Variants in LRRC8C observed in about 807,000 individuals in gnomAD.
LRRC8C encodes volume-regulated anion channel subunit LRRC8C.
A neutral mutation model predicts 55.3 loss-of-function variants in LRRC8C; 20 were observed. That is an observed-to-expected ratio of 0.36 (90% CI 0.25 to 0.53). The LOEUF is 0.53. Among genes scored for constraint, LRRC8C ranks in the 20% least tolerant of loss-of-function variants. The pLI, the probability that LRRC8C is intolerant of heterozygous loss-of-function variation, is 0.92. For missense variants in LRRC8C, 659 were observed against 951.4 expected (o/e 0.69, Z 4.04); for synonymous variants, 376 against 360.7 (o/e 1.04, Z -0.48).
chr1:89,689,518 G>A (rs1459780810), intron 2 of LRRC8C, among the ~76,000 whole-genome samples: 1 of 152,204 alleles, frequency 6.6e-6, no homozygotes, highest in Non-Finnish European at 1.5e-5. Context: ...GTATTTGGAA[G>A]GCTAGTGCAA....
At position 89,714,143 on chromosome 1, in the gene LRRC8C, C is replaced by T. The variant is rs775607882; in HGVS notation, c.1573C>T (p.Leu525=). Residue 525 remains leucine, a synonymous_variant, in exon 3 of 3, where the codon CTA becomes TTA. Transcript: ENST00000370454. This position sits in a 1 kb window ranked among gnomAD's most constrained non-coding sequence, Gnocchi z 4.6. ...GGAAGAGCTGTACCTAGTTGGCTCT[C>T]TAAGTCATGATATTTCCAGAAATGT... ...NLEELYLVGS[L]SHDISRNVTL... The T allele has an allele frequency of 5.0e-6, 8 of 1,614,118 alleles. No individual in the cohort carries two copies. Among genetic ancestry groups the T allele is most frequent in the Non-Finnish European group, 5.1e-6 (6 of 1,180,012 alleles).
intron 2 of LRRC8C, among the ~76,000 whole-genome samples, chr1:89,691,153 C>T (rs1379771225): frequency 6.6e-6 from 1 of 152,174 alleles, no homozygotes; most frequent in Non-Finnish European, 1.5e-5. Flanking sequence ...CTTCAGATTG[C>T]TAATTGTCTG....
At chr1:89,646,872 G>A (rs10754283) in intron 1 of LRRC8C, among the ~76,000 whole-genome samples, 1 of 151,774 alleles carries the variant, frequency 6.6e-6, no homozygotes, top group African/African-American at 2.4e-5. Context: ...AAGCAACAAC[G>A]AAAAATAATA....
At chr1:89,641,446 ATTAAAC>A (rs1656453075) in intron 1 of LRRC8C, among the ~76,000 whole-genome samples, 1 of 152,234 alleles carries the variant, frequency 6.6e-6, no homozygotes, top group African/African-American at 2.4e-5. Context: ...GTGTTTCCCT[ATTAAAC>A]TTAATCAGAA....
intron 2 of LRRC8C, among the ~76,000 whole-genome samples, chr1:89,711,745 C>A (rs1201375871): frequency 3.3e-5 from 5 of 152,172 alleles, no homozygotes; most frequent in African/African-American, 1.2e-4. Flanking sequence ...CAAACTGAAA[C>A]GTTGGTGGAA....
chr1:89,700,181 C>T (rs144237410), intron 2 of LRRC8C, among the ~76,000 whole-genome samples: 2 of 152,160 alleles, frequency 1.3e-5, no homozygotes, highest in Admixed American at 6.5e-5. Flanking sequence ...TTCTCCCTCT[C>T]TCTCCCCAAA....
At chr1:89,663,111 T>C (rs1657162401) in intron 1 of LRRC8C, among the ~76,000 whole-genome samples, 1 of 152,192 alleles carries the variant, frequency 6.6e-6, no homozygotes, top group Non-Finnish European at 1.5e-5. Context: ...CTGAGAATTA[T>C]GGTTTCTAGC....
chr1:89,680,216 T>C (rs1657662065), intron 1 of LRRC8C, among the ~76,000 whole-genome samples: 1 of 152,112 alleles, frequency 6.6e-6, no homozygotes, highest in African/African-American at 2.4e-5. Flanking sequence ...TAGCTGGGAC[T>C]ACAGGTACTC....
chr1:89,642,885 G>T (rs1406525125), intron 1 of LRRC8C, among the ~76,000 whole-genome samples: 2 of 151,310 alleles, frequency 1.3e-5, no homozygotes. Context: ...GGGTGTGTTG[G>T]TGCGCACCTG....
intron 1 of LRRC8C, among the ~76,000 whole-genome samples, chr1:89,645,428 G>A (rs1257118258): frequency 8.6e-5 from 13 of 151,980 alleles, no homozygotes; most frequent in African/African-American, 3.1e-4. Flanking sequence ...AGGAAAAAAT[G>A]GAGGAAAAAA....
chr1:89,619,870 A>C, the LRRC8C span, among the ~76,000 whole-genome samples: 1 of 152,210 alleles, frequency 6.6e-6, no homozygotes, highest in Admixed American at 6.5e-5. Context: ...AGACACTATA[A>C]TTACCCCCAT....
At chr1:89,671,283 G>A (rs1557655972) in intron 1 of LRRC8C, among the ~76,000 whole-genome samples, 2 of 151,990 alleles carry the variant, frequency 1.3e-5, no homozygotes, top group East Asian at 1.9e-4. Context: ...AAAAGGTTAG[G>A]GAGGGAAGAA....
At chr1:89,666,150 A>G (rs1465290252) in intron 1 of LRRC8C, among the ~76,000 whole-genome samples, 1 of 152,180 alleles carries the variant, frequency 6.6e-6, no homozygotes, top group Non-Finnish European at 1.5e-5. Context: ...ATATGACTGC[A>G]TTTTGACCCA....
At chr1:89,625,994 T>A in the LRRC8C span, among the ~76,000 whole-genome samples, 7 of 152,338 alleles carry the variant, frequency 4.6e-5, no homozygotes, top group South Asian at 1.4e-3. Flanking sequence ...GTATTTTTAA[T>A]CAAAAAATTT....
intron 1 of LRRC8C, among the ~76,000 whole-genome samples, chr1:89,643,331 C>T (rs1656521482): frequency 1.3e-5 from 2 of 152,254 alleles, no homozygotes; most frequent in African/African-American, 4.8e-5. Context: ...GATCCACCTG[C>T]CCTGCCTCAC....
chr1:89,654,874 C>CTTTTTT (rs3068067), intron 1 of LRRC8C, among the ~76,000 whole-genome samples: 1 of 129,342 alleles, frequency 7.7e-6, no homozygotes, highest in South Asian at 2.4e-4. Flanking sequence ...TTTAGTAAGC[C>CTTTTTT]TTTTTTTTTT....
At chr1:89,618,777 T>C in the LRRC8C span, among the ~76,000 whole-genome samples, 2 of 152,236 alleles carry the variant, frequency 1.3e-5, no homozygotes, top group Non-Finnish European at 2.9e-5. Context: ...GTAATATAGA[T>C]AAAGTGGCTC....
Position 89,716,921 on chromosome 1 carries a change from C to A in LRRC8C, c.*1939C>A, listed in dbSNP as rs368115818. On this transcript the variant is annotated 3_prime_UTR_variant, in exon 3 of 3. Coordinates refer to ENST00000370454, the MANE Select transcript of LRRC8C (RefSeq NM_032270.5). Reference sequence around the variant, plus strand: ...GAAGCATTAGGGAAAGAGATTCTTTCGATTTGTTTAATAATCTAATTATAC... The same window carrying A: ...GAAGCATTAGGGAAAGAGATTCTTTAGATTTGTTTAATAATCTAATTATAC... 6.6e-6 allele frequency: 1 copy of A among 151,994 alleles called. No individual in the cohort carries two copies. 9.4% of individuals were successfully genotyped at this position (151,994 alleles called of 1,614,324 possible). A position where few individuals can be genotyped will look rare whatever the true frequency, so the allele number is the denominator to read the frequency against.
the LRRC8C span, among the ~76,000 whole-genome samples, chr1:89,621,818 G>A: frequency 6.6e-6 from 1 of 152,168 alleles, no homozygotes; most frequent in African/African-American, 2.4e-5. Flanking sequence ...TTTTTCAAAT[G>A]CATCTATGTT....
Sources: gnomAD v4.1 joint callset for allele counts (sites outside exome capture counted in the v4.1 genomes callset) on GRCh38, gnomAD v4.1.1 for gene constraint, Gnocchi (gnomAD v3.1) non-coding constraint, MANE v1.5 for transcripts, NCBI Gene and HGNC (gene_info 2026-07-23, HGNC 2026-07-21) for gene names.